AGBL4: variants seen among roughly 807,000 people sequenced by gnomAD.
AGBL4 encodes cytosolic carboxypeptidase 6.
A neutral mutation model predicts 66.4 loss-of-function variants in AGBL4; 58 were observed. That is an observed-to-expected ratio of 0.87 (90% confidence interval 0.71 to 1.09). The LOEUF (loss-of-function observed/expected upper bound fraction) is 1.09. AGBL4 is among the 50% of genes least tolerant of loss of function. AGBL4 has a pLI of 0.00. For missense variants in AGBL4, 579 were observed against 631.0 expected (o/e 0.92, Z 0.88); for synonymous variants, 234 against 222.9 (o/e 1.05, Z -0.44).
At chr1:49,597,694 G>T (rs1294665817) in intron 3 of AGBL4, among the ~76,000 whole-genome samples, 1 of 152,184 alleles carries the variant, frequency 6.6e-6, no homozygotes, top group African/African-American at 2.4e-5. Flanking sequence ...CTGTCCTCAA[G>T]AAACTCAAGA....
intron 3 of AGBL4, among the ~76,000 whole-genome samples, chr1:49,686,679 G>A (rs1195343950): frequency 1.3e-5 from 2 of 152,144 alleles, no homozygotes; most frequent in Non-Finnish European, 2.9e-5. Flanking sequence ...ATTCCTGAAT[G>A]CCTAGAGCAG....
intron 4 of AGBL4, among the ~76,000 whole-genome samples, chr1:49,207,559 T>TTTCTTTCTTTCTTTC (rs1557729865): frequency 3.7e-5 from 5 of 135,802 alleles, no homozygotes; most frequent in African/African-American, 1.4e-4. Flanking sequence ...TCTTTCTTTC[T>TTTCTTTCTTTCTTTC]TTCTTTCTTT....
intron 11 of AGBL4, among the ~76,000 whole-genome samples, chr1:48,557,871 C>T (rs1403537424): frequency 6.6e-6 from 1 of 152,174 alleles, no homozygotes; most frequent in East Asian, 1.9e-4. Context: ...ACCCATTGGA[C>T]CCCTAATCTC....
At chr1:48,928,534 C>T (rs1186811798) in intron 5 of AGBL4, among the ~76,000 whole-genome samples, 2 of 152,086 alleles carry the variant, frequency 1.3e-5, no homozygotes, top group African/African-American at 4.8e-5. Flanking sequence ...CTTTTTCCCT[C>T]AGGCTTAGTA....
chr1:49,510,463 A>T (rs1649116657), intron 3 of AGBL4, among the ~76,000 whole-genome samples: 1 of 149,428 alleles, frequency 6.7e-6, no homozygotes, highest in African/African-American at 2.5e-5. Flanking sequence ...GTTTGAGTTC[A>T]TTGTAGATTC....
chr1:48,716,411 C>T (rs1339463577), intron 6 of AGBL4, among the ~76,000 whole-genome samples: 1 of 152,100 alleles, frequency 6.6e-6, no homozygotes, highest in Non-Finnish European at 1.5e-5. Flanking sequence ...ATCATAGGGC[C>T]AAAGAAAGAT....
intron 5 of AGBL4, among the ~76,000 whole-genome samples, chr1:48,947,426 A>G (rs1656608067): frequency 6.6e-6 from 1 of 152,168 alleles, no homozygotes; most frequent in Admixed American, 6.6e-5. Flanking sequence ...TGGGGTAGAG[A>G]ATGGGAGAGG....
chr1:49,193,690 G>A (rs1190030719), intron 4 of AGBL4, among the ~76,000 whole-genome samples: 1 of 147,638 alleles, frequency 6.8e-6, no homozygotes, highest in African/African-American at 2.4e-5. Context: ...ACCGTGCCAG[G>A]CTAATTTTTT....
At chr1:49,091,599 A>C (rs1293534936) in intron 4 of AGBL4, among the ~76,000 whole-genome samples, 1 of 152,168 alleles carries the variant, frequency 6.6e-6, no homozygotes, top group African/African-American at 2.4e-5. Flanking sequence ...AAATAGTTCA[A>C]CTACTGTGGA....
At chr1:49,496,525 C>A (rs1189597229) in intron 3 of AGBL4, among the ~76,000 whole-genome samples, 2 of 149,222 alleles carry the variant, frequency 1.3e-5, no homozygotes, top group African/African-American at 2.5e-5. Flanking sequence ...TCACCCACCC[C>A]ACCCCACCCC....
intron 4 of AGBL4, among the ~76,000 whole-genome samples, chr1:49,166,396 A>T (rs1363744066): frequency 1.3e-5 from 2 of 152,128 alleles, no homozygotes; most frequent in African/African-American, 2.4e-5. Flanking sequence ...ACTCAGGCAA[A>T]TCATGCACTC....
At chr1:49,875,355 G>A (rs1646965848) in intron 1 of AGBL4, among the ~76,000 whole-genome samples, 2 of 115,142 alleles carry the variant, frequency 1.7e-5, no homozygotes, top group African/African-American at 6.9e-5. Context: ...CCCTTCCTGT[G>A]TCCATGTGAT....
Position 48,673,900 on chromosome 1 carries a change from A to G in AGBL4, c.635-10659T>C, listed in dbSNP as rs547971211. Reference sequence around the variant, plus strand: ...CCAAGCTCAACACCGCCCCCATTGCATGTTGTCTGAACAACCACAGAAGCC... The same window carrying G: ...CCAAGCTCAACACCGCCCCCATTGCGTGTTGTCTGAACAACCACAGAAGCC... On this transcript the variant is annotated intron_variant, in intron 6 of 13. Coordinates refer to ENST00000371839, the MANE Select transcript of AGBL4 (RefSeq NM_032785.4). Among the ~76,000 whole-genome samples, 191 of 152,288 alleles carry G rather than the reference A, an allele frequency of 1.3e-3. 1 individual carries two copies. The highest frequency in any genetic ancestry group is 2.2e-3 in the Non-Finnish European group (151 of 68,010).
At chr1:49,200,892 G>C (rs954089563) in intron 4 of AGBL4, among the ~76,000 whole-genome samples, 7 of 152,212 alleles carry the variant, frequency 4.6e-5, no homozygotes, top group South Asian at 2.1e-4. Context: ...CTGGAGGTTG[G>C]GGGGTGGGGT....
At chr1:49,094,019 A>G (rs1645046605) in intron 4 of AGBL4, among the ~76,000 whole-genome samples, 1 of 152,196 alleles carries the variant, frequency 6.6e-6, no homozygotes, top group Non-Finnish European at 1.5e-5. Flanking sequence ...GTGGATACAG[A>G]AAGTGTGACT....
chr1:48,773,702 G>A (rs543443101), intron 6 of AGBL4, among the ~76,000 whole-genome samples: 4 of 152,304 alleles, frequency 2.6e-5, no homozygotes, highest in African/African-American at 9.6e-5. Context: ...AGACTGCCAA[G>A]TGGGGGCCTG....
chr1:48,622,437 C>T (rs1645429273), intron 9 of AGBL4, among the ~76,000 whole-genome samples: 1 of 149,808 alleles, frequency 6.7e-6, no homozygotes, highest in Non-Finnish European at 1.5e-5. Context: ...CAGAAGTTTG[C>T]AAACTTTCTA....
intron 3 of AGBL4, among the ~76,000 whole-genome samples, chr1:49,445,903 G>A (rs905411525): frequency 1.3e-5 from 2 of 152,026 alleles, no homozygotes; most frequent in Non-Finnish European, 2.9e-5. Flanking sequence ...CCAGGCTAAA[G>A]TGCAGTGGTG....
intron 3 of AGBL4, among the ~76,000 whole-genome samples, chr1:49,449,069 A>G (rs945102175): frequency 1.3e-4 from 20 of 152,042 alleles, no homozygotes; most frequent in African/African-American, 4.6e-4. Flanking sequence ...TCAAAGGTGA[A>G]TTACTAAATT....
Sources: gnomAD v4.1 joint callset for allele counts (sites outside exome capture counted in the v4.1 genomes callset) on GRCh38, gnomAD v4.1.1 for gene constraint, MANE v1.5 for transcripts, NCBI Gene and HGNC (gene_info 2026-07-23, HGNC 2026-07-21) for gene names.